ERC1: variants seen among roughly 807,000 people sequenced by gnomAD.
The protein encoded by ERC1 is RAB6 interacting protein 2.
Under a neutral mutation model 132.0 loss-of-function variants are expected in ERC1, and 56 were observed. The observed-to-expected ratio is 0.42, with a 90% CI of 0.34 to 0.53. The LOEUF is 0.53. Among genes scored for constraint, ERC1 ranks in the 20% least tolerant of loss-of-function variants. The probability of loss-of-function intolerance (pLI) is 0.03; values close to 1 mark genes in which losing one functional copy is unlikely to be tolerated. For missense variants in ERC1, 1,202 were observed against 1,349.9 expected (o/e 0.89, Z 1.72); for synonymous variants, 478 against 476.1 (o/e 1.00, Z -0.05).
intron 12 of ERC1, among the ~76,000 whole-genome samples, chr12:1,199,561 A>G (rs1444271075): frequency 2.0e-5 from 3 of 152,124 alleles, no homozygotes; most frequent in African/African-American, 4.8e-5. Context: ...ACCTGAGGTC[A>G]GGAGTTCGAG....
chr12:1,115,685 T>G (rs978994137), intron 6 of ERC1, 181 bp from the exon 7 acceptor site: 35 of 415,332 alleles, frequency 8.4e-5, no homozygotes, highest in Admixed American at 1.3e-4. Flanking sequence ...AGTTTAGTGG[T>G]TTTTTTTGGC....
chr12:1,183,536 A>C (rs925502420), intron 11 of ERC1, 115 bp downstream of exon 11: 1 of 571,264 alleles, frequency 1.8e-6, no homozygotes, highest in Non-Finnish European at 2.9e-6. Flanking sequence ...GCCAAACTTT[A>C]AAATACCATG....
intron 2 of ERC1, among the ~76,000 whole-genome samples, chr12:1,068,255 A>C (rs1939641029): frequency 1.1e-5 from 1 of 93,870 alleles, no homozygotes; most frequent in African/African-American, 3.2e-5. Flanking sequence ...TTAAGACTCT[A>C]AGTTTTGGAG....
intron 6 of ERC1, among the ~76,000 whole-genome samples, chr12:1,112,804 T>C (rs1946032331): frequency 6.6e-6 from 1 of 152,230 alleles, no homozygotes; most frequent in Non-Finnish European, 1.5e-5. Flanking sequence ...AAAGTATTTA[T>C]CTAGTAAATT....
At chr12:1,108,124 G>A (rs1375560282) in intron 4 of ERC1, among the ~76,000 whole-genome samples, 1 of 152,084 alleles carries the variant, frequency 6.6e-6, no homozygotes, top group African/African-American at 2.4e-5. Context: ...TAATTTTCTG[G>A]CCTGATTTCC....
chr12:1,125,142 A>C (rs61374359), intron 7 of ERC1, among the ~76,000 whole-genome samples: 4,388 of 151,936 alleles, frequency 0.029, 210 homozygotes, highest in African/African-American at 0.1. Flanking sequence ...CTACAGGTGC[A>C]TGCCACCACG....
chr12:1,294,014 G>T (rs7966558), intron 15 of ERC1, among the ~76,000 whole-genome samples: 3,565 of 152,228 alleles, frequency 0.023, 70 homozygotes, highest in Non-Finnish European at 0.037. Context: ...GTACAGTATA[G>T]CTATAAACAA....
intron 15 of ERC1, among the ~76,000 whole-genome samples, chr12:1,341,682 G>A (rs1035197721): frequency 6.6e-6 from 1 of 151,408 alleles, no homozygotes; most frequent in Non-Finnish European, 1.5e-5. Flanking sequence ...GTTGGGGGAG[G>A]GATAGCATTA....
At chr12:1,190,572 C>T (rs1350158436) in intron 12 of ERC1, among the ~76,000 whole-genome samples, 1 of 152,050 alleles carries the variant, frequency 6.6e-6, no homozygotes, top group East Asian at 1.9e-4. Flanking sequence ...AATTTAGGAG[C>T]CACGGATATG....
chr12:1,312,452 G>A (rs1461318593), intron 15 of ERC1, among the ~76,000 whole-genome samples: 2 of 151,992 alleles, frequency 1.3e-5, no homozygotes, highest in Non-Finnish European at 2.9e-5. Flanking sequence ...ACCACCTCCC[G>A]GGTTTGAGTG....
At chr12:1,382,985 C>T (rs577679185) in intron 16 of ERC1, among the ~76,000 whole-genome samples, 1 of 152,228 alleles carries the variant, frequency 6.6e-6, no homozygotes, top group East Asian at 1.9e-4. Flanking sequence ...TCCCAGGCTC[C>T]TTTCATCCAT....
intron 18 of ERC1, among the ~76,000 whole-genome samples, chr12:1,484,345 A>C (rs991260622): frequency 8.5e-5 from 13 of 152,204 alleles, no homozygotes; most frequent in East Asian, 5.8e-4. Context: ...TTGCCTTAGT[A>C]AACATACTTG....
chr12:1,040,024 T>C (rs1334669921), intron 2 of ERC1, among the ~76,000 whole-genome samples: 1 of 152,238 alleles, frequency 6.6e-6, no homozygotes. Context: ...TTAAAGTTAA[T>C]ACTGATTTAT....
chr12:1,261,099 TA>T, intron 13 of ERC1, among the ~76,000 whole-genome samples: 1 of 152,358 alleles, frequency 6.6e-6, no homozygotes, highest in South Asian at 2.1e-4. Flanking sequence ...ATTTTCTCCC[TA>T]AAAGTTTTTT....
At chr12:1,039,534 A>G (rs1969811528) in intron 2 of ERC1, among the ~76,000 whole-genome samples, 1 of 151,690 alleles carries the variant, frequency 6.6e-6, no homozygotes, top group Non-Finnish European at 1.5e-5. Context: ...TGTCAAAAAA[A>G]AAAAGAAAGA....
chr12:1,269,336 G>A (rs756492559), intron 14 of ERC1, among the ~76,000 whole-genome samples: 2 of 152,302 alleles, frequency 1.3e-5, no homozygotes, highest in African/African-American at 2.4e-5. Context: ...CTGTGAAAGC[G>A]GCTTTGTCCT....
chr12:1,455,640 A>G (rs1169764758), intron 18 of ERC1, among the ~76,000 whole-genome samples: 1 of 152,244 alleles, frequency 6.6e-6, no homozygotes, highest in African/African-American at 2.4e-5. Context: ...CGTAGAACTA[A>G]CATCTACTCA....
Position 1,106,243 on chromosome 12 carries a change from C to A in ERC1, c.1161+1419C>A, listed in dbSNP as rs567371414. Among the ~76,000 whole-genome samples the A allele has an allele frequency of 4.6e-5, 7 of 152,278 alleles. No homozygotes were observed. The South Asian group carries it at 1.5e-3, about 32-fold the overall frequency. On this transcript the variant is annotated intron_variant, in intron 4 of 18. Transcript: ENST00000360905. Reference sequence around the variant, plus strand: ...TAAAAACACTTTGAACAGGACCTAGCGCATAGTAAACATTCAATCCATACT... The same window carrying A: ...TAAAAACACTTTGAACAGGACCTAGAGCATAGTAAACATTCAATCCATACT...
chr12:1,388,210 G>A (rs769792196), intron 16 of ERC1, among the ~76,000 whole-genome samples: 7 of 151,986 alleles, frequency 4.6e-5, no homozygotes, highest in Admixed American at 6.6e-5. Context: ...TTAGCCAGGC[G>A]TGGTGGTGGG....
Sources: gnomAD v4.1 joint callset for allele counts (sites outside exome capture counted in the v4.1 genomes callset) on GRCh38, gnomAD v4.1.1 for gene constraint, MANE v1.5 for transcripts, NCBI Gene and HGNC (gene_info 2026-07-23, HGNC 2026-07-21) for gene names.